SLC4A10: variants seen among roughly 807,000 people sequenced by gnomAD.
SLC4A10 encodes the protein solute carrier family 4 member 10.
Under a neutral mutation model 137.7 loss-of-function variants are expected in SLC4A10, and 42 were observed. The observed-to-expected ratio is 0.30, with a 90% CI of 0.24 to 0.39. SLC4A10 has a LOEUF of 0.39. Ranked by LOEUF, SLC4A10 falls within the 10% of genes least tolerant of loss-of-function variation. The pLI is 1.00. For missense variants in SLC4A10, 925 were observed against 1,355.0 expected (o/e 0.68, Z 4.98); for synonymous variants, 474 against 464.1 (o/e 1.02, Z -0.27).
chr2:161,882,467 A>G (rs1175467716), intron 10 of SLC4A10, 23 bp downstream of exon 10: 1 of 1,512,860 alleles, frequency 6.6e-7, no homozygotes, highest in Admixed American at 2.0e-5. Flanking sequence ...GTTCTTTGGG[A>G]ACATTTTCCC....
At chr2:161,820,657 T>A (rs2057536397) in intron 3 of SLC4A10, among the ~76,000 whole-genome samples, 2 of 152,256 alleles carry the variant, frequency 1.3e-5, no homozygotes, top group Non-Finnish European at 2.9e-5. Flanking sequence ...TATGTTAATG[T>A]GCTTCTATAT....
chr2:161,841,068 G>GTTTA (rs370810966), intron 4 of SLC4A10, among the ~76,000 whole-genome samples: 2,085 of 151,770 alleles, frequency 0.014, 22 homozygotes, highest in Non-Finnish European at 0.022. Context: ...CAGGTTTAGT[G>GTTTA]TTTATTTATT....
chr2:161,832,735 T>TG lies in SLC4A10; in HGVS notation c.278-7054_278-7053insG, dbSNP rs564471459. 6.0e-3 allele frequency among the ~76,000 whole-genome samples: 896 copies of TG among 149,938 alleles called. 5 individuals carry two copies. Among genetic ancestry groups the TG allele is most frequent in the Middle Eastern group, 0.045 (13 of 292 alleles). ...CATTTTCTTTTTTTGTTGTTGTTGT[T>TG]TTGTTTTGTTTTGTTTTGTTTTTCA... On this transcript the variant is annotated intron_variant, in intron 3 of 26. Coordinates refer to ENST00000446997, the MANE Select transcript of SLC4A10 (RefSeq NM_001178015.2).
chr2:161,824,082 C>T (rs757021258), intron 3 of SLC4A10, among the ~76,000 whole-genome samples: 1 of 152,156 alleles, frequency 6.6e-6, no homozygotes, highest in Non-Finnish European at 1.5e-5. Context: ...TAAGGAAATG[C>T]CTTTGAAAAT....
At chr2:161,883,102 A>G (rs1015556802) in intron 10 of SLC4A10, among the ~76,000 whole-genome samples, 3 of 151,938 alleles carry the variant, frequency 2.0e-5, no homozygotes, top group Admixed American at 1.3e-4. Context: ...TCATACCACT[A>G]TTTTCCTTTA....
In SLC4A10 at chr2:161,974,283, G is replaced by A; in HGVS notation, c.3194G>A (p.Gly1065Asp). The change falls in exon 24 of 27, where the codon GGC becomes GAC. Residue 1065 changes from glycine (G) to aspartate (D), a missense_variant. Gly to Asp is a moderately conservative substitution (Grantham distance 94). Transcript: ENST00000446997. ...EQSMLAMEDEGTVQLPLEGHY... is the reference protein window; with the variant it reads ...EQSMLAMEDEDTVQLPLEGHY... Reference sequence around the variant, plus strand: ...AGTATGCTAGCTATGGAAGATGAGGGCACAGTACAACTCCCATTGGAAGGG... The same window carrying A: ...AGTATGCTAGCTATGGAAGATGAGGACACAGTACAACTCCCATTGGAAGGG... 1.9e-6 allele frequency: 3 copies of A among 1,608,452 alleles called. No homozygotes were observed. The highest frequency in any genetic ancestry group is 1.1e-5 in the South Asian group (1 of 89,428).
chr2:161,843,368 A>C (rs1376614566), intron 4 of SLC4A10, among the ~76,000 whole-genome samples: 1 of 152,142 alleles, frequency 6.6e-6, no homozygotes, highest in African/African-American at 2.4e-5. Context: ...TTGATTTATA[A>C]AGAATAAAAA....
chr2:161,854,024 T>G (rs1425782013), intron 4 of SLC4A10, among the ~76,000 whole-genome samples: 1 of 152,106 alleles, frequency 6.6e-6, no homozygotes, highest in African/African-American at 2.4e-5. Flanking sequence ...AGTAAGATAA[T>G]ATAATATAGA....
chr2:161,674,391 A>G (rs116163651), intron 1 of SLC4A10, among the ~76,000 whole-genome samples: 137 of 152,350 alleles, frequency 9.0e-4, no homozygotes, highest in Non-Finnish European at 1.5e-3. Flanking sequence ...ATGGCACCTA[A>G]TAGGCACTAA....
At chr2:161,948,492 A>G (rs964833623) in intron 17 of SLC4A10, among the ~76,000 whole-genome samples, 2 of 152,148 alleles carry the variant, frequency 1.3e-5, no homozygotes, top group African/African-American at 2.4e-5. Context: ...AATAATCTTA[A>G]GCATTTTGTG....
Position 161,957,054 on chromosome 2 carries a change from G to A in SLC4A10, c.2607G>A (p.Met869Ile). The change falls in exon 20 of 27, where the codon ATG becomes ATA. Residue 869 changes from methionine to isoleucine, a missense_variant. Transcript: ENST00000446997. The part of the protein sequence containing the change: ...VAVMLGVCSI[M>I]GLPWFVAATV... ...TCATGCTCGGTGTATGCTCCATCAT[G>A]GGCCTGCCATGGTTTGTGGCTGCCA... 1.2e-6 allele frequency: 2 copies of A among 1,612,078 alleles called. No individual in the cohort carries two copies. The highest frequency in any genetic ancestry group is 1.7e-6 in the Non-Finnish European group (2 of 1,179,200).
chr2:161,926,201 G>A (rs942042491), intron 15 of SLC4A10, among the ~76,000 whole-genome samples: 2 of 151,018 alleles, frequency 1.3e-5, no homozygotes, highest in African/African-American at 4.8e-5. Flanking sequence ...CTCTTTGTAG[G>A]TCACTCAGGA....
chr2:161,707,694 T>C (rs767926926), intron 1 of SLC4A10, among the ~76,000 whole-genome samples: 12 of 151,668 alleles, frequency 7.9e-5, no homozygotes, highest in African/African-American at 2.4e-4. Context: ...ACAACTTACA[T>C]AGGTTTCATT....
chr2:161,650,854 G>C (rs1057098670), intron 1 of SLC4A10, among the ~76,000 whole-genome samples: 2 of 152,164 alleles, frequency 1.3e-5, no homozygotes, highest in Non-Finnish European at 2.9e-5. Flanking sequence ...GTGTACCTCA[G>C]CAGGAACAGC....
chr2:161,973,210 T>C (rs1698850069), intron 23 of SLC4A10, among the ~76,000 whole-genome samples: 2 of 152,188 alleles, frequency 1.3e-5, no homozygotes, highest in South Asian at 4.2e-4. Context: ...ATCTTAAAAT[T>C]CCATTTCTGG....
Position 161,947,581 on chromosome 2 carries a change from C to G in SLC4A10, c.2119C>G (p.His707Asp). The change falls in exon 17 of 27, where the codon CAT becomes GAT. Residue 707 changes from histidine to aspartate, a missense_variant. This residue lies in a region of SLC4A10 where 91 missense variants were observed against 95.6 expected (regional missense o/e 0.95). Transcript: ENST00000446997. ...CCTCTGGCAGGAATGCAAATCATTG[C>G]ATGGAGAGTATGTTGGACGGGCCTG... is the stretch of plus-strand genomic sequence containing the variant. ...NLTVSECKSL[H>D]GEYVGRACGH... The G allele has an allele frequency of 6.2e-7, 1 of 1,611,202 alleles. No individual in the cohort carries two copies. The highest frequency in any genetic ancestry group is 8.5e-7 in the Non-Finnish European group (1 of 1,178,738).
intron 3 of SLC4A10, 22 bp from the exon 4 acceptor site, chr2:161,839,767 A>AGC (rs1299139312): frequency 3.7e-6 from 6 of 1,612,930 alleles, no homozygotes; most frequent in Non-Finnish European, 5.1e-6. Context: ...GTTCATGGTA[A>AGC]TACATGTCTC....
At chr2:161,882,801 A>G (rs920710530) in intron 10 of SLC4A10, among the ~76,000 whole-genome samples, 22 of 152,140 alleles carry the variant, frequency 1.4e-4, no homozygotes, top group African/African-American at 5.3e-4. Context: ...AGAAAAAACA[A>G]TAGCAGTTTA....
chr2:161,639,175 C>T (rs986968789), intron 1 of SLC4A10, among the ~76,000 whole-genome samples: 4 of 152,046 alleles, frequency 2.6e-5, no homozygotes, highest in Non-Finnish European at 4.4e-5. Flanking sequence ...GTCCTAATGG[C>T]TTTACTGCTG....
Sources: gnomAD v4.1 joint callset for allele counts (sites outside exome capture counted in the v4.1 genomes callset) on GRCh38, gnomAD v4.1.1 for gene constraint, gnomAD v4.1.1 regional missense constraint, MANE v1.5 for transcripts, NCBI Gene and HGNC (gene_info 2026-07-23, HGNC 2026-07-21) for gene names.